The following PKNOX2 variants were observed in gnomAD, a reference collection of about 807,000 sequenced individuals.
The protein encoded by PKNOX2 is PBX/knotted 1 homeobox 2, also known as homeobox protein PKNOX2.
PKNOX2 carries 14 observed loss-of-function variants against 53.1 expected under a neutral mutation model. That is an observed-to-expected ratio of 0.26 (90% confidence interval 0.17 to 0.41). The LOEUF (loss-of-function observed/expected upper bound fraction) is 0.41. Among genes scored for constraint, PKNOX2 ranks in the 10% least tolerant of loss-of-function variants. The pLI is 1.00. For synonymous variants in PKNOX2, 257 were observed against 242.8 expected (o/e 1.06, Z -0.54); for missense variants, 496 against 602.8 (o/e 0.82, Z 1.85).
chr11:125,349,045 T>C (rs1001174283), intron 3 of PKNOX2, among the ~76,000 whole-genome samples: 10 of 152,246 alleles, frequency 6.6e-5, no homozygotes, highest in Admixed American at 3.9e-4. Flanking sequence ...ATCCTGGCCC[T>C]TGGGCCCTAT....
chr11:125,363,118 C>A (rs1205088231), intron 4 of PKNOX2, among the ~76,000 whole-genome samples: 1 of 152,138 alleles, frequency 6.6e-6, no homozygotes, highest in Non-Finnish European at 1.5e-5. Flanking sequence ...GGGTCTTTGC[C>A]CCAAGAAAGA....
chr11:125,196,265 T>C (rs2135378189), intron 1 of PKNOX2, among the ~76,000 whole-genome samples: 1 of 152,266 alleles, frequency 6.6e-6, no homozygotes, highest in South Asian at 2.1e-4. Context: ...GGTCTGTGCA[T>C]CTTTTCTCTC....
chr11:125,269,222 T>C (rs1400970415), intron 2 of PKNOX2, among the ~76,000 whole-genome samples: 1 of 152,192 alleles, frequency 6.6e-6, no homozygotes, highest in Non-Finnish European at 1.5e-5. Context: ...CGATAACGCT[T>C]GTCAGATTTG....
At chr11:125,185,780 C>A (rs531125126) in intron 1 of PKNOX2, among the ~76,000 whole-genome samples, 2 of 152,206 alleles carry the variant, frequency 1.3e-5, no homozygotes, top group East Asian at 3.9e-4. Flanking sequence ...GGGTTGTTTC[C>A]ACTTTCTGGC....
chr11:125,218,722 T>C (rs1473324918), intron 1 of PKNOX2, among the ~76,000 whole-genome samples: 3 of 152,082 alleles, frequency 2.0e-5, no homozygotes, highest in African/African-American at 7.2e-5. Flanking sequence ...GACCAGACCT[T>C]TGTAAGAAGA....
chr11:125,354,169 C>A (rs946013715), intron 4 of PKNOX2, among the ~76,000 whole-genome samples: 2 of 152,192 alleles, frequency 1.3e-5, no homozygotes, highest in African/African-American at 4.8e-5. Flanking sequence ...TGGACCCCAG[C>A]TTCCTAGGGG....
rs377618183 is a variant in PKNOX2, at chr11:125,179,011, G to A, written c.-201+14235G>A. Among the ~76,000 whole-genome samples, 8 of 152,136 alleles carry A rather than the reference G, an allele frequency of 5.3e-5. No homozygotes were observed. In the East Asian group the frequency reaches 5.8e-4, roughly 11 times the overall value. Reference sequence around the variant, plus strand: ...GATGGCGCAGGTCCTTCCCCTTCAAGCCTTGCCCTCTCCCGTGTGTTTCAT... The same window carrying A: ...GATGGCGCAGGTCCTTCCCCTTCAAACCTTGCCCTCTCCCGTGTGTTTCAT... On this transcript the variant is annotated intron_variant, in intron 1 of 12. Transcript: ENST00000298282.
intron 1 of PKNOX2, among the ~76,000 whole-genome samples, chr11:125,189,485 A>ATG (rs1956733420): frequency 7.7e-6 from 1 of 129,554 alleles, no homozygotes; most frequent in African/African-American, 2.9e-5. Flanking sequence ...ATATATATAT[A>ATG]TATATACAAA....
chr11:125,399,662 C>T (rs1382112564), intron 7 of PKNOX2, among the ~76,000 whole-genome samples: 1 of 152,164 alleles, frequency 6.6e-6, no homozygotes, highest in Non-Finnish European at 1.5e-5. Flanking sequence ...GATTTAGTGC[C>T]TCACAGAGAT....
chr11:125,350,928 A>G (rs1951270194), intron 3 of PKNOX2, among the ~76,000 whole-genome samples: 1 of 152,042 alleles, frequency 6.6e-6, no homozygotes, highest in Non-Finnish European at 1.5e-5. Flanking sequence ...AAGGAGGGGT[A>G]TCCAAATGGC....
chr11:125,260,382 A>G (rs533301515), intron 2 of PKNOX2, among the ~76,000 whole-genome samples: 12 of 152,016 alleles, frequency 7.9e-5, no homozygotes, highest in Non-Finnish European at 2.9e-5. Context: ...TATTTTTAGT[A>G]GAGACGGGGT....
At chr11:125,203,499 GGGAAGGCGGC>G (rs1938690846) in intron 1 of PKNOX2, among the ~76,000 whole-genome samples, 1 of 152,216 alleles carries the variant, frequency 6.6e-6, no homozygotes, top group African/African-American at 2.4e-5. Context: ...TGGCCCTTCA[GGGAAGGCGGC>G]AGAGCCAGGC....
intron 2 of PKNOX2, among the ~76,000 whole-genome samples, chr11:125,254,824 G>T (rs1348691227): frequency 7.1e-6 from 1 of 139,890 alleles, no homozygotes; most frequent in African/African-American, 2.4e-5. Flanking sequence ...TAAGTCTGAG[G>T]TCCCAAGGGG....
At chr11:125,210,338 T>A (rs1939678061) in intron 1 of PKNOX2, among the ~76,000 whole-genome samples, 1 of 152,116 alleles carries the variant, frequency 6.6e-6, no homozygotes, top group African/African-American at 2.4e-5. Context: ...TTTGGGGATG[T>A]CATCTCGCCC....
intron 7 of PKNOX2, among the ~76,000 whole-genome samples, chr11:125,405,850 T>C (rs1339301400): frequency 6.6e-6 from 1 of 152,184 alleles, no homozygotes; most frequent in Admixed American, 6.5e-5. Context: ...GGTTTTCATC[T>C]GATTCCCAGG....
Position 125,429,022 on chromosome 11 carries a change from C to T in PKNOX2, c.947C>T (p.Pro316Leu). 1 of 1,613,468 alleles carries T rather than the reference C, an allele frequency of 6.2e-7. No individual in the cohort carries two copies. Among genetic ancestry groups the T allele is most frequent in the Non-Finnish European group, 8.5e-7 (1 of 1,179,382 alleles). ...WLFQHLMHPY[P>L]TEDEKRQIAA... ...CACCTCTCGTTTCAGCACCCCTACC[C>T]CACGGAGGATGAGAAGAGGCAGATC... The change falls in exon 11 of 13, where the codon CCC (proline) becomes CTC (leucine). Residue 316 changes from proline to leucine, a missense_variant. Physicochemically the swap from Pro to Leu is moderately conservative, Grantham distance 98. Around this residue, in one of 5 missense-constraint regions of PKNOX2, gnomAD observed 36 missense variants for 81.9 expected, o/e 0.44. Transcript: ENST00000298282.
In PKNOX2 at chr11:125,349,877, A is replaced by ACACACG. The variant is rs1555160517; in HGVS notation, c.-22-1407_-22-1406insCACACG. 5.2e-3 allele frequency among the ~76,000 whole-genome samples: 784 copies of ACACACG among 149,714 alleles called. 5 individuals are homozygous for ACACACG. The highest frequency in any genetic ancestry group is 0.017 in the African/African-American group (687 of 40,410). ...CACACACACACACACACACACACAC[A>ACACACG]GCCCTGGAGGCCAGCCCCTTTAGAT... On this transcript the variant is annotated intron_variant, in intron 3 of 12. Coordinates refer to ENST00000298282, the MANE Select transcript of PKNOX2 (RefSeq NM_001382323.2).
At chr11:125,391,085 C>A (rs1362442390) in intron 6 of PKNOX2, among the ~76,000 whole-genome samples, 1 of 152,112 alleles carries the variant, frequency 6.6e-6, no homozygotes, top group South Asian at 2.1e-4. Context: ...TTCTTCTGTC[C>A]GTGAGGGAGA....
At chr11:125,391,399 G>C (rs978392999) in intron 6 of PKNOX2, among the ~76,000 whole-genome samples, 1 of 152,238 alleles carries the variant, frequency 6.6e-6, no homozygotes, top group Non-Finnish European at 1.5e-5. Flanking sequence ...GGCACACTGA[G>C]AGAGGCATTT....
Sources: allele counts gnomAD v4.1 joint callset (sites outside exome capture counted in the v4.1 genomes callset), GRCh38; gene constraint gnomAD v4.1.1; regional missense constraint gnomAD v4.1.1; transcripts MANE v1.5; gene names NCBI Gene and HGNC (gene_info 2026-07-23, HGNC 2026-07-21).